The following NRG1 variants were observed in gnomAD, a reference collection of about 807,000 sequenced individuals.
NRG1 encodes the protein neuregulin 1.
Under a neutral mutation model 63.8 loss-of-function variants are expected in NRG1, and 18 were observed. That is an observed-to-expected ratio of 0.28 (90% CI 0.19 to 0.42). The LOEUF is 0.42. NRG1 is among the 10% of genes least tolerant of loss of function. The probability of loss-of-function intolerance (pLI) is 1.00; values close to 1 mark genes in which losing one functional copy is unlikely to be tolerated. For synonymous variants in NRG1, 302 were observed against 301.3 expected (o/e 1.00, Z -0.02); for missense variants, 762 against 814.7 (o/e 0.94, Z 0.79).
intron 1 of NRG1, among the ~76,000 whole-genome samples, chr8:31,838,476 A>G (rs1330136752): frequency 6.6e-6 from 1 of 152,170 alleles, no homozygotes; most frequent in Non-Finnish European, 1.5e-5. Context: ...TATTTCAAAA[A>G]CAATTTCTGT....
chr8:32,195,961 C>T (rs1842908997), intron 1 of NRG1, among the ~76,000 whole-genome samples: 1 of 152,150 alleles, frequency 6.6e-6, no homozygotes, highest in African/African-American at 2.4e-5. Flanking sequence ...GAGGTTGATG[C>T]AAAAGTAATT....
At position 32,202,295 on chromosome 8, in the gene NRG1, C is replaced by A. The variant is rs1843573989; in HGVS notation, c.38-393533C>A. On this transcript the variant is annotated intron_variant, in intron 1 of 10. Transcript: ENST00000519301. ...ATGTCCTAGTGAAACGGGAGAGTTC[C>A]CTGACTCCCTTCACAGGACTTGTGA... is the stretch of plus-strand genomic sequence containing the variant. 2.0e-5 allele frequency among the ~76,000 whole-genome samples: 3 copies of A among 152,176 alleles called. No individual in the cohort carries two copies. In the South Asian group the frequency reaches 6.2e-4, roughly 32 times the overall value.
intron 1 of NRG1, among the ~76,000 whole-genome samples, chr8:32,457,916 CT>C (rs11332070): frequency 0.32 from 46,707 of 147,418 alleles, 7,398 homozygotes; most frequent in South Asian, 0.35. Context: ...CGTAAAGCAA[CT>C]TTTTTTTTTT....
intron 1 of NRG1, among the ~76,000 whole-genome samples, chr8:31,879,437 G>GCA (rs1364517626): frequency 6.6e-6 from 1 of 152,168 alleles, no homozygotes; most frequent in Non-Finnish European, 1.5e-5. Flanking sequence ...ATGCAGGGAT[G>GCA]GGTTATCCAC....
intron 1 of NRG1, among the ~76,000 whole-genome samples, chr8:32,571,579 A>G (rs573074185): frequency 2.6e-5 from 4 of 151,392 alleles, no homozygotes; most frequent in South Asian, 4.2e-4. Context: ...AGCCAGCAGA[A>G]GCTAGTTTTT....
In NRG1 at chr8:31,912,222, G is replaced by A. The variant is rs564736819; in HGVS notation, c.37+272791G>A. On this transcript the variant is annotated intron_variant, in intron 1 of 10. Coordinates refer to the NRG1 transcript ENST00000519301. The stretch of plus-strand genomic sequence containing the variant: ...AACTATAAAACATTGAATAAAATGC[G>A]CTGATGTGTTTATGATTGATAACTG... Among the ~76,000 whole-genome samples, 10 of 152,276 alleles carry A rather than the reference G, an allele frequency of 6.6e-5. No homozygotes were observed. In the East Asian group the frequency reaches 1.2e-3, roughly 18 times the overall value.
chr8:32,372,010 A>T (rs1587155353), intron 1 of NRG1, among the ~76,000 whole-genome samples: 2 of 31,652 alleles, frequency 6.3e-5, no homozygotes, highest in Non-Finnish European at 9.8e-5. Context: ...TTTTTTTTTA[A>T]AAGGGTTGTG....
chr8:31,653,678 A>G (rs1805132815), intron 1 of NRG1, among the ~76,000 whole-genome samples: 1 of 152,244 alleles, frequency 6.6e-6, no homozygotes, highest in African/African-American at 2.4e-5. Context: ...TGTGTGTTGT[A>G]GATAAATAGT....
intron 1 of NRG1, among the ~76,000 whole-genome samples, chr8:31,761,141 T>C (rs1459856204): frequency 3.9e-5 from 6 of 152,186 alleles, no homozygotes; most frequent in Non-Finnish European, 8.8e-5. Context: ...GATGAGTTCA[T>C]GTCCTTTGTA....
chr8:32,768,513 C>T (rs921073271), downstream of NRG1, among the ~76,000 whole-genome samples: 1 of 152,118 alleles, frequency 6.6e-6, no homozygotes, highest in Non-Finnish European at 1.5e-5. Context: ...GAGGAGAAGG[C>T]CAAGTTAGGT....
intron 1 of NRG1, among the ~76,000 whole-genome samples, chr8:31,719,889 T>C (rs1183743263): frequency 6.6e-6 from 1 of 152,114 alleles, no homozygotes; most frequent in Non-Finnish European, 1.5e-5. Context: ...TAGATCCTGA[T>C]TTTTGGCATG....
chr8:31,661,821 T>A (rs1806023077), intron 1 of NRG1, among the ~76,000 whole-genome samples: 1 of 152,196 alleles, frequency 6.6e-6, no homozygotes, highest in Admixed American at 6.5e-5. Flanking sequence ...AGTTATTTGT[T>A]GAGTAAATGT....
chr8:31,692,650 C>T (rs147562621), intron 1 of NRG1, among the ~76,000 whole-genome samples: 107 of 152,256 alleles, frequency 7.0e-4, no homozygotes, highest in African/African-American at 2.3e-3. Context: ...GAATCAGCTG[C>T]CTTGATATGG....
intron 1 of NRG1, among the ~76,000 whole-genome samples, chr8:32,072,772 A>G (rs1175295552): frequency 6.6e-6 from 1 of 152,148 alleles, no homozygotes; most frequent in African/African-American, 2.4e-5. Flanking sequence ...TAAAGAATTT[A>G]TTGTGTTAAT....
intron 6 of NRG1, chr8:32,728,621 A>C: frequency 1.0e-6 from 1 of 985,016 alleles, no homozygotes; most frequent in Non-Finnish European, 1.2e-6. Context: ...GCTAGTAAAA[A>C]AAGAGAAAAA....
intron 5 of NRG1, among the ~76,000 whole-genome samples, chr8:32,689,400 G>A (rs901020564): frequency 4.0e-5 from 6 of 151,874 alleles, no homozygotes; most frequent in African/African-American, 1.5e-4. Context: ...CATAAAGAAT[G>A]AACAAAGATT....
chr8:32,392,308 T>G (rs113192839), intron 1 of NRG1, among the ~76,000 whole-genome samples: 4 of 152,342 alleles, frequency 2.6e-5, no homozygotes, highest in African/African-American at 9.6e-5. Flanking sequence ...AAGCCCTTTA[T>G]TGAAACATTT....
At chr8:32,196,940 A>ATTTTTTT (rs1458233142) in intron 1 of NRG1, among the ~76,000 whole-genome samples, 3 of 33,990 alleles carry the variant, frequency 8.8e-5, no homozygotes, top group Non-Finnish European at 2.1e-4. Flanking sequence ...TTCTCAGAAC[A>ATTTTTTT]TTCTTTTTTT....
chr8:31,918,434 G>A lies in NRG1; in HGVS notation c.37+279003G>A, dbSNP rs533850457. ...GAAGAGTTGTTGAATTTTGTCAAAG[G>A]CCTTTTCTGCATCTATTGAGATAAT... On this transcript the variant is annotated intron_variant, in intron 1 of 10. Coordinates refer to the NRG1 transcript ENST00000519301. Among the ~76,000 whole-genome samples, 16 of 152,192 alleles carry A rather than the reference G, an allele frequency of 1.1e-4. No individual in the cohort carries two copies. The South Asian group carries it at 2.5e-3, about 24-fold the overall frequency.
Sources: gnomAD v4.1 joint callset for allele counts (sites outside exome capture counted in the v4.1 genomes callset) on GRCh38, gnomAD v4.1.1 for gene constraint, MANE v1.5 for transcripts, NCBI Gene and HGNC (gene_info 2026-07-23, HGNC 2026-07-21) for gene names.